Variants in OSBPL1A observed in about 807,000 individuals in gnomAD.
OSBPL1A encodes oxysterol binding protein like 1A.
Under a neutral mutation model 137.1 loss-of-function variants are expected in OSBPL1A, and 80 were observed. The observed-to-expected ratio is 0.58, with a 90% CI of 0.49 to 0.70. The LOEUF (loss-of-function observed/expected upper bound fraction) is 0.70, where lower values mean the gene tolerates loss of function less well. Ranked by LOEUF, OSBPL1A falls within the 30% of genes least tolerant of loss-of-function variation. The pLI, the probability that OSBPL1A is intolerant of heterozygous loss-of-function variation, is 0.00. For synonymous variants in OSBPL1A, 365 were observed against 389.7 expected (o/e 0.94, Z 0.75); for missense variants, 970 against 1,129.4 (o/e 0.86, Z 2.02).
chr18:24,252,577 AGAG>A (rs1599566208), intron 15 of OSBPL1A, among the ~76,000 whole-genome samples: 2 of 152,174 alleles, frequency 1.3e-5, no homozygotes, highest in East Asian at 3.9e-4. Flanking sequence ...AGAAATGCTG[AGAG>A]GAGGTCTTTA....
chr18:24,370,280 A>G (rs1165609526), intron 2 of OSBPL1A, among the ~76,000 whole-genome samples: 1 of 152,196 alleles, frequency 6.6e-6, no homozygotes, highest in Non-Finnish European at 1.5e-5. Context: ...CTCACATCAC[A>G]GCTCCTCCTT....
intron 14 of OSBPL1A, 97 bp from the exon 15 acceptor site, chr18:24,281,045 T>C: frequency 1.4e-6 from 1 of 692,338 alleles, no homozygotes. Flanking sequence ...AACCTCATCT[T>C]TCCATCTAGC....
chr18:24,230,217 G>T (rs9964892), intron 16 of OSBPL1A, among the ~76,000 whole-genome samples: 1 of 152,092 alleles, frequency 6.6e-6, no homozygotes, highest in Non-Finnish European at 1.5e-5. Flanking sequence ...GTTAGGCCAC[G>T]ACACTCAGGC....
At chr18:24,212,371 A>C (rs1379372331) in intron 17 of OSBPL1A, among the ~76,000 whole-genome samples, 1 of 152,146 alleles carries the variant, frequency 6.6e-6, no homozygotes, top group Non-Finnish European at 1.5e-5. Context: ...AAAAACTTTA[A>C]AACTCTGGCA....
Position 24,332,963 on chromosome 18 carries a change from G to T in OSBPL1A, c.604C>A (p.Pro202Thr), listed in dbSNP as rs2091109216. The T allele has an allele frequency of 1.2e-6, 2 of 1,613,996 alleles. No homozygotes were observed. The highest frequency in any genetic ancestry group is 1.7e-5 in the Admixed American group (1 of 60,016). Residue 202 changes from proline to threonine, a missense_variant, in exon 7 of 28, where the codon CCT becomes ACT. Transcript: ENST00000319481. ...TTACCATTTTTGTTCTTCAGATTAGGGTCTGCTCCACTTCTTAGAAGCTTT... is the reference window on the plus strand; with the variant it reads ...TTACCATTTTTGTTCTTCAGATTAGTGTCTGCTCCACTTCTTAGAAGCTTT... The part of the protein sequence containing the change: ...ALKLLRSGAD[P>T]NLKNKNDQKP...
intron 14 of OSBPL1A, among the ~76,000 whole-genome samples, chr18:24,283,890 A>C (rs1313852796): frequency 6.6e-6 from 1 of 152,148 alleles, no homozygotes; most frequent in Non-Finnish European, 1.5e-5. Flanking sequence ...CATGCTTAGG[A>C]ATACTTACAA....
In OSBPL1A at chr18:24,285,665, T is replaced by A. The variant is rs142421577; in HGVS notation, c.1175-4717A>T. 4.4e-3 allele frequency among the ~76,000 whole-genome samples: 674 copies of A among 152,268 alleles called. 7 individuals carry two copies. Among genetic ancestry groups the A allele is most frequent in the African/African-American group, 0.014 (587 of 41,550 alleles). ...CCTTGAATATGTATGTGGCTTTTTTTAATAATTAAACACAAACAGGAGAGA... is the reference window on the plus strand; with the variant it reads ...CCTTGAATATGTATGTGGCTTTTTTAAATAATTAAACACAAACAGGAGAGA... On this transcript the variant is annotated intron_variant, in intron 14 of 27. Coordinates refer to ENST00000319481, the MANE Select transcript of OSBPL1A (RefSeq NM_080597.4).
At chr18:24,368,597 G>A (rs1905359232) in intron 2 of OSBPL1A, 1 of 430,806 alleles carries the variant, frequency 2.3e-6, no homozygotes, top group Admixed American at 3.5e-5. Context: ...CCTCTAAAGG[G>A]ATAGAGGGAG....
At chr18:24,395,902 G>A (rs1020217967) in intron 1 of OSBPL1A, among the ~76,000 whole-genome samples, 1 of 150,056 alleles carries the variant, frequency 6.7e-6, no homozygotes, top group Non-Finnish European at 1.5e-5. Context: ...GATTACAGGC[G>A]TGAGCCATGG....
At chr18:24,298,066 G>A (rs995029160) in intron 14 of OSBPL1A, among the ~76,000 whole-genome samples, 7 of 152,038 alleles carry the variant, frequency 4.6e-5, no homozygotes, top group South Asian at 4.1e-4. Flanking sequence ...TAAAGGAGCC[G>A]GCCAAAACCC....
chr18:24,298,978 T>G (rs1309433426), intron 14 of OSBPL1A, among the ~76,000 whole-genome samples: 1 of 152,266 alleles, frequency 6.6e-6, no homozygotes, highest in Non-Finnish European at 1.5e-5. Flanking sequence ...TTTACCATTA[T>G]GTAATGACCT....
chr18:24,303,799 C>T, intron 13 of OSBPL1A, 81 bp from the exon 14 acceptor site: 1 of 1,167,848 alleles, frequency 8.6e-7, no homozygotes, highest in African/African-American at 1.5e-5. Flanking sequence ...TCTATCAAAA[C>T]TTTCAGTACA....
intron 14 of OSBPL1A, among the ~76,000 whole-genome samples, chr18:24,290,519 A>G (rs1413206361): frequency 6.6e-6 from 1 of 152,110 alleles, no homozygotes; most frequent in Non-Finnish European, 1.5e-5. Context: ...TGTCTTTACT[A>G]AAAATACAAA....
intron 15 of OSBPL1A, among the ~76,000 whole-genome samples, chr18:24,259,417 C>G (rs920939060): frequency 2.0e-5 from 3 of 152,166 alleles, no homozygotes; most frequent in African/African-American, 7.2e-5. Context: ...AGCTAACAGA[C>G]CATACTTCTC....
intron 17 of OSBPL1A, 64 bp downstream of exon 17, chr18:24,224,978 T>C: frequency 6.3e-7 from 1 of 1,587,788 alleles, no homozygotes; most frequent in Admixed American, 1.7e-5. Flanking sequence ...ATATATTTCT[T>C]TATGAATCCA....
chr18:24,177,539 G>A (rs2086481126), intron 21 of OSBPL1A, among the ~76,000 whole-genome samples: 1 of 151,978 alleles, frequency 6.6e-6, no homozygotes, highest in African/African-American at 2.4e-5. Flanking sequence ...AAAGAGATAG[G>A]GTATCGTATG....
At chr18:24,265,861 T>C (rs919916039) in intron 15 of OSBPL1A, among the ~76,000 whole-genome samples, 1 of 152,238 alleles carries the variant, frequency 6.6e-6, no homozygotes, top group Non-Finnish European at 1.5e-5. Context: ...CTGTGCTTCT[T>C]GTTATTCCCA....
intron 17 of OSBPL1A, among the ~76,000 whole-genome samples, chr18:24,210,192 C>T (rs2087492498): frequency 6.6e-6 from 1 of 151,988 alleles, no homozygotes; most frequent in African/African-American, 2.4e-5. Context: ...TTTGGGAGGC[C>T]GAGGCAGGTG....
At chr18:24,373,896 TAA>T (rs892809647) in intron 2 of OSBPL1A, among the ~76,000 whole-genome samples, 7 of 152,124 alleles carry the variant, frequency 4.6e-5, no homozygotes, top group African/African-American at 1.7e-4. Flanking sequence ...GCCCTTAAGA[TAA>T]AGTCTGACTG....
Sources: gnomAD v4.1 joint callset for allele counts (sites outside exome capture counted in the v4.1 genomes callset) on GRCh38, gnomAD v4.1.1 for gene constraint, MANE v1.5 for transcripts, NCBI Gene and HGNC (gene_info 2026-07-23, HGNC 2026-07-21) for gene names.